NPAT: variants seen among roughly 807,000 people sequenced by gnomAD.
NPAT encodes protein NPAT.
Under a neutral mutation model 130.7 loss-of-function variants are expected in NPAT, and 52 were observed. The observed-to-expected ratio is 0.40, with a 90% CI of 0.32 to 0.50. The LOEUF (loss-of-function observed/expected upper bound fraction) is 0.50. Among genes scored for constraint, NPAT ranks in the 20% least tolerant of loss-of-function variants. The pLI, the probability that NPAT is intolerant of heterozygous loss-of-function variation, is 0.68. For missense variants in NPAT, 1,687 were observed against 1,662.6 expected (o/e 1.01, Z -0.26); for synonymous variants, 580 against 584.8 (o/e 0.99, Z 0.12).
At chr11:108,196,810 C>T (rs1640957870) in intron 2 of NPAT, among the ~76,000 whole-genome samples, 1 of 152,156 alleles carries the variant, frequency 6.6e-6, no homozygotes, top group African/African-American at 2.4e-5. Context: ...CCTAAGCAGA[C>T]ATTCATGTTA....
At chr11:108,162,056 A>C (rs1223031649) in intron 16 of NPAT, 42 bp from the exon 17 acceptor site, 1 of 1,609,578 alleles carries the variant, frequency 6.2e-7, no homozygotes, top group East Asian at 2.2e-5. Flanking sequence ...CAGCATAAAG[A>C]AATCCTTTAT....
intron 1 of NPAT, among the ~76,000 whole-genome samples, chr11:108,221,920 G>A (rs1332517724): frequency 1.3e-5 from 2 of 151,888 alleles, no homozygotes; most frequent in African/African-American, 2.4e-5. Context: ...GCTGATCAAA[G>A]GAACAGGAAT....
intron 1 of NPAT, among the ~76,000 whole-genome samples, chr11:108,217,598 T>C (rs905530342): frequency 2.0e-5 from 3 of 152,240 alleles, no homozygotes; most frequent in Admixed American, 6.5e-5. Context: ...TTTATCATCA[T>C]TAAGTATCTG....
chr11:108,176,698 G>A (rs944887085), intron 11 of NPAT, among the ~76,000 whole-genome samples: 8 of 151,968 alleles, frequency 5.3e-5, no homozygotes, highest in Non-Finnish European at 1.0e-4. Flanking sequence ...TATTCCCTTT[G>A]TACGATTCAA....
At chr11:108,173,908 G>C in intron 12 of NPAT, 57 bp from the exon 13 acceptor site, 1 of 1,490,226 alleles carries the variant, frequency 6.7e-7, no homozygotes, top group South Asian at 1.1e-5. Flanking sequence ...TTCTGAGGTA[G>C]TCATTTTTGC....
intron 10 of NPAT, among the ~76,000 whole-genome samples, chr11:108,184,607 T>C (rs774349736): frequency 6.6e-6 from 1 of 152,214 alleles, no homozygotes; most frequent in African/African-American, 2.4e-5. Flanking sequence ...CCCCGCTTAC[T>C]GCAACCTCCG....
chr11:108,183,171 T>G (rs775570335), intron 10 of NPAT, among the ~76,000 whole-genome samples: 6 of 152,012 alleles, frequency 3.9e-5, no homozygotes, highest in Non-Finnish European at 8.8e-5. Flanking sequence ...TTTTTTTGTA[T>G]AGATGAGGTC....
chr11:108,185,359 A>C (rs1479805893), intron 9 of NPAT, 40 bp from the exon 10 acceptor site: 2 of 1,578,260 alleles, frequency 1.3e-6, no homozygotes, highest in African/African-American at 2.7e-5. Flanking sequence ...ATAGTTATGC[A>C]ATTAGGCAAA....
At chr11:108,182,231 A>ACC (rs1263088310) in intron 10 of NPAT, among the ~76,000 whole-genome samples, 13 of 152,168 alleles carry the variant, frequency 8.5e-5, no homozygotes, top group Non-Finnish European at 1.9e-4. Context: ...TGGGGGTCAG[A>ACC]AAGGAGTCTG....
chr11:108,173,566 T>C lies in NPAT; in HGVS notation c.1418A>G (p.Asn473Ser), dbSNP rs778382186. 24 of 1,614,108 alleles carry C rather than the reference T, an allele frequency of 1.5e-5. No individual in the cohort carries two copies. The highest frequency in any genetic ancestry group is 7.7e-5 in the South Asian group (7 of 91,088). The change falls in exon 13 of 18, where the codon AAT (asparagine) becomes AGT (serine). Residue 473 changes from asparagine to serine, a missense_variant. By Grantham distance (46) the Asn-to-Ser change is conservative. This residue lies in a region of NPAT where 1,379 missense variants were observed against 1,346.6 expected (regional missense o/e 1.02). Coordinates refer to ENST00000278612, the MANE Select transcript of NPAT (RefSeq NM_002519.3). ...CNPHCAELYT[N>S]QMSTETEMAI... Reference sequence around the variant, plus strand: ...CATTTCAGTTTCAGTGGACATCTGATTGGTGTATAATTCAGCACAATGTGG... The same window carrying C: ...CATTTCAGTTTCAGTGGACATCTGACTGGTGTATAATTCAGCACAATGTGG...
chr11:108,170,346 C>T (rs1049740260), intron 13 of NPAT: 16 of 366,552 alleles, frequency 4.4e-5, no homozygotes, highest in Admixed American at 8.3e-5. Flanking sequence ...GCCAAGACAT[C>T]ATATTACAAT....
chr11:108,198,053 C>A (rs1255373290), intron 1 of NPAT, among the ~76,000 whole-genome samples: 2 of 152,152 alleles, frequency 1.3e-5, no homozygotes, highest in African/African-American at 2.4e-5. Flanking sequence ...ACACACAGAC[C>A]CCCTTGGCAA....
chr11:108,175,161 C>T (rs1377354432), intron 12 of NPAT, among the ~76,000 whole-genome samples: 2 of 152,150 alleles, frequency 1.3e-5, no homozygotes, highest in African/African-American at 2.4e-5. Flanking sequence ...ATTCACATAA[C>T]TTTTATTACA....
At chr11:108,214,115 C>CG (rs2078409843) in intron 1 of NPAT, among the ~76,000 whole-genome samples, 1 of 152,090 alleles carries the variant, frequency 6.6e-6, no homozygotes, top group Non-Finnish European at 1.5e-5. Context: ...AGGCTGGTCT[C>CG]GCTCCCCTGG....
Position 108,186,637 on chromosome 11 carries a change from A to G in NPAT, c.639-68T>C, listed in dbSNP as rs1365756630. The G allele has an allele frequency of 2.4e-6, 3 of 1,269,524 alleles. No homozygotes were observed. The East Asian group carries it at 7.3e-5, about 31-fold the overall frequency. 78.6% of individuals were successfully genotyped at this position (1,269,524 alleles called of 1,614,324 possible). ...AACAGATTTAAAGATAAATACATAT[A>G]CAGACATAAATTTTAAGATCACCAT... On this transcript the variant is annotated intron_variant, in intron 7 of 17. Coordinates refer to ENST00000278612, the MANE Select transcript of NPAT (RefSeq NM_002519.3).
intron 1 of NPAT, among the ~76,000 whole-genome samples, chr11:108,218,644 C>T (rs1329051588): frequency 1.3e-5 from 2 of 152,260 alleles, no homozygotes; most frequent in East Asian, 3.9e-4. Context: ...ATAGAGCTGA[C>T]TCACTTCATG....
intron 4 of NPAT, 90 bp from the exon 5 acceptor site, chr11:108,190,590 T>C: frequency 8.2e-7 from 1 of 1,222,784 alleles, no homozygotes; most frequent in Non-Finnish European, 1.2e-6. Flanking sequence ...TCAAGTTAGT[T>C]ATGAGGTAAA....
chr11:108,186,101 T>C (rs2078105885), intron 8 of NPAT, among the ~76,000 whole-genome samples: 1 of 152,050 alleles, frequency 6.6e-6, no homozygotes, highest in South Asian at 2.1e-4. Flanking sequence ...ACTGCAGCCT[T>C]GACCTCCCAG....
intron 15 of NPAT, among the ~76,000 whole-genome samples, chr11:108,167,337 G>A (rs781511698): frequency 3.3e-5 from 5 of 151,962 alleles, no homozygotes; most frequent in Admixed American, 1.3e-4. Flanking sequence ...TCACCCTCCC[G>A]AATAGTTGGG....
Sources: gnomAD v4.1 joint callset for allele counts (sites outside exome capture counted in the v4.1 genomes callset) on GRCh38, gnomAD v4.1.1 for gene constraint, gnomAD v4.1.1 regional missense constraint, MANE v1.5 for transcripts, NCBI Gene and HGNC (gene_info 2026-07-23, HGNC 2026-07-21) for gene names.